The following ISM1 variants were observed in gnomAD, a reference collection of about 807,000 sequenced individuals.
The protein encoded by ISM1 is isthmin-1.
A neutral mutation model predicts 46.3 loss-of-function variants in ISM1; 25 were observed. The ratio of observed to expected loss-of-function variants is 0.54; its 90% CI spans 0.39 to 0.75. The LOEUF (loss-of-function observed/expected upper bound fraction) is 0.75. Among genes scored for constraint, ISM1 ranks in the 30% least tolerant of loss-of-function variants. ISM1 has a pLI of 0.00. For synonymous variants in ISM1, 255 were observed against 256.7 expected, an observed-to-expected ratio of 0.99 and a Z score of 0.06; for missense variants, 536 against 625.4, an observed-to-expected ratio of 0.86 and a Z score of 1.52.
chr20:13,223,945 T>G (rs1448002717), intron 1 of ISM1, among the ~76,000 whole-genome samples: 1 of 152,068 alleles, frequency 6.6e-6, no homozygotes, highest in Non-Finnish European at 1.5e-5. Context: ...GGGGTTGGCC[T>G]TTTCCGCTTG....
chr20:13,277,390 C>G (rs150209285), intron 2 of ISM1, among the ~76,000 whole-genome samples: 32 of 152,256 alleles, frequency 2.1e-4, no homozygotes, highest in Non-Finnish European at 4.3e-4. Context: ...AATAGCCTTG[C>G]AGACGATTGT....
the ISM1 span, among the ~76,000 whole-genome samples, chr20:13,307,330 A>G: frequency 6.6e-6 from 1 of 152,220 alleles, no homozygotes; most frequent in African/African-American, 2.4e-5. Flanking sequence ...CACACGTATC[A>G]TAAGTTCACG....
intron 1 of ISM1, among the ~76,000 whole-genome samples, chr20:13,258,262 C>T (rs2039949950): frequency 6.6e-6 from 1 of 152,020 alleles, no homozygotes; most frequent in South Asian, 2.1e-4. Flanking sequence ...CAATGTTAGG[C>T]ATGGCAGGAA....
At chr20:13,269,166 A>T (rs1258970514) in intron 1 of ISM1, among the ~76,000 whole-genome samples, 2 of 152,138 alleles carry the variant, frequency 1.3e-5, no homozygotes, top group Non-Finnish European at 2.9e-5. Context: ...CCCAAGAAAA[A>T]CAAGAACATT....
At chr20:13,293,556 G>T (rs1180550015) in intron 5 of ISM1, among the ~76,000 whole-genome samples, 1 of 151,530 alleles carries the variant, frequency 6.6e-6, no homozygotes, top group African/African-American at 2.4e-5. Context: ...GAACAAAAAT[G>T]TTCCTCAAAT....
In ISM1 at chr20:13,299,226, G is replaced by A. The variant is rs375561259; in HGVS notation, c.1162G>A (p.Gly388Ser). ...TTLAAQHCCYGDNMQLITRGK... is the reference protein window; with the variant it reads ...TTLAAQHCCYSDNMQLITRGK... ...GCTGGCGGCACAGCACTGCTGCTAC[G>A]GCGACAACATGCAGCTCATCACCAG... is the stretch of plus-strand genomic sequence containing the variant. Residue 388 changes from glycine (G) to serine (S), a missense_variant, in exon 6 of 6, where the codon GGC (glycine) becomes AGC (serine). By Grantham distance (56) the Gly-to-Ser change is moderately conservative. Around this residue, in one of 2 missense-constraint regions of ISM1, gnomAD observed 169 missense variants for 249.3 expected, o/e 0.68. Transcript: ENST00000262487. This position sits in a 1 kb window ranked among gnomAD's most constrained non-coding sequence, Gnocchi z 5.8. 26 of 1,600,898 alleles carry A rather than the reference G, an allele frequency of 1.6e-5. No homozygotes were observed. In the East Asian group the frequency reaches 1.8e-4, roughly 11 times the overall value.
intron 1 of ISM1, among the ~76,000 whole-genome samples, chr20:13,247,924 A>G (rs145866777): frequency 2.8e-4 from 43 of 152,324 alleles, no homozygotes; most frequent in African/African-American, 9.9e-4. Context: ...TTCATGCAAC[A>G]GGAGTGGTCT....
At chr20:13,269,471 C>A (rs566952435) in intron 1 of ISM1, among the ~76,000 whole-genome samples, 1 of 152,282 alleles carries the variant, frequency 6.6e-6, no homozygotes, top group African/African-American at 2.4e-5. Flanking sequence ...TTTGGCTATT[C>A]CTGTCTCTTC....
chr20:13,289,383 G>T (rs1307622854), intron 4 of ISM1, among the ~76,000 whole-genome samples: 1 of 152,178 alleles, frequency 6.6e-6, no homozygotes, highest in Non-Finnish European at 1.5e-5. Flanking sequence ...AGTTGCCAAA[G>T]GCTCCCAGGA....
chr20:13,246,583 AAG>A (rs1236836395), intron 1 of ISM1, among the ~76,000 whole-genome samples: 3 of 152,054 alleles, frequency 2.0e-5, no homozygotes. Context: ...CACCACATTT[AAG>A]GAGGCAGAGC....
intron 1 of ISM1, among the ~76,000 whole-genome samples, chr20:13,234,422 C>T (rs780801927): frequency 3.9e-5 from 6 of 152,046 alleles, no homozygotes; most frequent in African/African-American, 7.2e-5. Context: ...CAGATGAGTG[C>T]GGGTATCTTT....
At chr20:13,297,547 C>G (rs1385890205) in intron 5 of ISM1, among the ~76,000 whole-genome samples, 1 of 152,146 alleles carries the variant, frequency 6.6e-6, no homozygotes, top group Non-Finnish European at 1.5e-5. Flanking sequence ...ACCTGAAGTC[C>G]TGGACTCAGA....
At chr20:13,258,126 A>G (rs955469711) in intron 1 of ISM1, among the ~76,000 whole-genome samples, 4 of 152,056 alleles carry the variant, frequency 2.6e-5, no homozygotes, top group Admixed American at 6.5e-5. Context: ...GTGTCCCCCA[A>G]ACATTCCGTT....
In ISM1 at chr20:13,299,160, C is replaced by A. The variant is rs762592220; in HGVS notation, c.1096C>A (p.Arg366=). Residue 366 remains arginine, a synonymous_variant, in exon 6 of 6, where the codon CGG becomes AGG. Coordinates refer to ENST00000262487, the MANE Select transcript of ISM1 (RefSeq NM_080826.2). This position sits in a 1 kb window ranked among gnomAD's most constrained non-coding sequence, Gnocchi z 5.8. The part of the protein sequence containing the change: ...EKLEIYKPTA[R]YCIRSMLSLE... ...GCTGGAGATCTACAAGCCCACTGCC[C>A]GGTACTGCATCCGCTCCATGCTGTC... 100 of 1,610,538 alleles carry A rather than the reference C, an allele frequency of 6.2e-5. No individual in the cohort carries two copies. Among genetic ancestry groups the A allele is most frequent in the Non-Finnish European group, 8.2e-5 (97 of 1,178,640 alleles).
At chr20:13,311,243 T>TAGATAGATGATAGATA in the ISM1 span, among the ~76,000 whole-genome samples, 555 of 127,900 alleles carry the variant, frequency 4.3e-3, 4 homozygotes, top group East Asian at 0.025. Context: ...GATAGATAGA[T>TAGATAGATGATAGATA]GATAGATAGA....
chr20:13,284,284 G>A (rs2040268237), intron 3 of ISM1, among the ~76,000 whole-genome samples: 1 of 152,186 alleles, frequency 6.6e-6, no homozygotes, highest in Admixed American at 6.5e-5. Flanking sequence ...CAGGACGCTA[G>A]TGCCCTGAAA....
chr20:13,285,815 A>G (rs2040285884), intron 3 of ISM1, among the ~76,000 whole-genome samples: 3 of 152,218 alleles, frequency 2.0e-5, no homozygotes, highest in African/African-American at 4.8e-5. Context: ...GGATTCCAAC[A>G]CAAGAGAGTT....
intron 1 of ISM1, among the ~76,000 whole-genome samples, chr20:13,246,306 G>A (rs112814105): frequency 0.036 from 5,359 of 150,678 alleles, 168 homozygotes; most frequent in African/African-American, 0.075. Flanking sequence ...GTGAACTGTC[G>A]AGGTAGAAAT....
chr20:13,234,746 A>G (rs6041968), intron 1 of ISM1, among the ~76,000 whole-genome samples: 1 of 152,070 alleles, frequency 6.6e-6, no homozygotes, highest in East Asian at 1.9e-4. Flanking sequence ...GTCCTCTTGT[A>G]TGTCTTCTTT....
Sources: gnomAD v4.1 joint callset for allele counts (sites outside exome capture counted in the v4.1 genomes callset) on GRCh38, gnomAD v4.1.1 for gene constraint, gnomAD v4.1.1 regional missense constraint, Gnocchi (gnomAD v3.1) non-coding constraint, MANE v1.5 for transcripts, NCBI Gene and HGNC (gene_info 2026-07-23, HGNC 2026-07-21) for gene names.